The following TMEM72 variants were observed in gnomAD, a reference collection of about 807,000 sequenced individuals.
TMEM72 encodes kidney-specific secretory protein of 37 kDa.
A neutral mutation model predicts 16.3 loss-of-function variants in TMEM72; 9 were observed. The ratio of observed to expected loss-of-function variants is 0.55; its 90% CI spans 0.33 to 0.96. The LOEUF (loss-of-function observed/expected upper bound fraction) is 0.96. TMEM72 is among the 40% of genes least tolerant of loss of function. The pLI, the probability that TMEM72 is intolerant of heterozygous loss-of-function variation, is 0.03. For missense variants in TMEM72, 324 were observed against 337.8 expected, an observed-to-expected ratio of 0.96 and a Z score of 0.32; for synonymous variants, 160 against 146.5, an observed-to-expected ratio of 1.09 and a Z score of -0.66.
chr10:44,911,586 A>G lies in TMEM72; in HGVS notation c.70+4A>G. 1 of 1,550,182 alleles carries G rather than the reference A, an allele frequency of 6.5e-7. No individual in the cohort carries two copies. Among genetic ancestry groups the G allele is most frequent in the Non-Finnish European group, 8.7e-7 (1 of 1,147,164 alleles). ...CTGGGCATCACCACTGCTGCAGGTA[A>G]GACCCTGCCTCCTGGCTGCTGATCC... On this transcript the variant is annotated splice_donor_region_variant and intron_variant, in intron 1 of 4. Transcript: ENST00000389583.
At chr10:44,929,593 C>T (rs1840261569) in intron 2 of TMEM72, among the ~76,000 whole-genome samples, 4 of 152,360 alleles carry the variant, frequency 2.6e-5, no homozygotes, top group Middle Eastern at 3.4e-3. Flanking sequence ...CTCCCAGATG[C>T]GGTTCAGCCT....
chr10:44,913,683 G>C (rs1053579266), intron 1 of TMEM72, among the ~76,000 whole-genome samples: 1 of 152,220 alleles, frequency 6.6e-6, no homozygotes, highest in Non-Finnish European at 1.5e-5. Flanking sequence ...TGGGAGGCTA[G>C]AGAGAGGGGT....
intron 3 of TMEM72, 75 bp from the exon 4 acceptor site, chr10:44,933,562 C>T: frequency 1.3e-6 from 2 of 1,550,726 alleles, no homozygotes; most frequent in Non-Finnish European, 8.8e-7. Context: ...AGGGCCTGGC[C>T]CAGACTCCAT....
At chr10:44,923,617 G>T (rs191054516) in intron 1 of TMEM72, among the ~76,000 whole-genome samples, 62 of 152,330 alleles carry the variant, frequency 4.1e-4, no homozygotes, top group African/African-American at 1.4e-3. Context: ...AAGACGTATG[G>T]AGAGGGCCTA....
chr10:44,936,905 G>C lies in TMEM72; in HGVS notation c.*1771G>C, dbSNP rs903842740. On this transcript the variant is annotated 3_prime_UTR_variant, in exon 5 of 5. Coordinates refer to ENST00000389583, the MANE Select transcript of TMEM72 (RefSeq NM_001123376.3). ...TCTGCATCAGAGTAGTTCTGTCCTC[G>C]AAGCCCCAGTCAGCAGAGCTGGATG... 1 of 152,230 alleles carries C rather than the reference G, an allele frequency of 6.6e-6. No individual in the cohort carries two copies. The highest frequency in any genetic ancestry group is 2.4e-5 in the African/African-American group (1 of 41,450). 9.4% of individuals were successfully genotyped at this position (152,230 alleles called of 1,614,324 possible). A position where few individuals can be genotyped will look rare whatever the true frequency, so the allele number is the denominator to read the frequency against.
At position 44,913,242 on chromosome 10, in the gene TMEM72, C is replaced by T. The variant is rs149428332; in HGVS notation, c.70+1660C>T. Among the ~76,000 whole-genome samples, 55 of 152,318 alleles carry T rather than the reference C, an allele frequency of 3.6e-4. 1 individual carries two copies. Among genetic ancestry groups the T allele is most frequent in the African/African-American group, 1.3e-3 (53 of 41,570 alleles). On this transcript the variant is annotated intron_variant, in intron 1 of 4. Transcript: ENST00000389583. ...TTGATCTGAGTCCACCCTGCTCCCT[C>T]TAGGCTTTGGTTTCCAAATCTGTAA...
chr10:44,936,599 A>G lies in TMEM72; in HGVS notation c.*1465A>G, dbSNP rs1049013017. Reference sequence around the variant, plus strand: ...ACTCCTGCAAGCCCTTGATGGTGAGAGCTGCAGAGCTGTTTCTTCAGCTGC... The same window carrying G: ...ACTCCTGCAAGCCCTTGATGGTGAGGGCTGCAGAGCTGTTTCTTCAGCTGC... On this transcript the variant is annotated 3_prime_UTR_variant, in exon 5 of 5. Coordinates refer to ENST00000389583, the MANE Select transcript of TMEM72 (RefSeq NM_001123376.3). 1 of 152,196 alleles carries G rather than the reference A, an allele frequency of 6.6e-6. No individual in the cohort carries two copies. Among genetic ancestry groups the G allele is most frequent in the Non-Finnish European group, 1.5e-5 (1 of 68,038 alleles). 9.4% of individuals were successfully genotyped at this position (152,196 alleles called of 1,614,324 possible).
Position 44,934,831 on chromosome 10 carries a change from C to G in TMEM72, c.525C>G (p.Leu175=), listed in dbSNP as rs1840369964. 9.9e-6 allele frequency: 16 copies of G among 1,613,594 alleles called. No homozygotes were observed. The highest frequency in any genetic ancestry group is 1.4e-5 in the Non-Finnish European group (16 of 1,179,992). ...TEQTYTFHGA[L]KEGPSSLFIH... ...AAACCTACACTTTCCATGGGGCCCT[C>G]AAGGAGGGGCCCAGCTCCCTTTTCA... Residue 175 remains leucine, a synonymous_variant, in exon 5 of 5, where the codon CTC becomes CTG. Coordinates refer to ENST00000389583, the MANE Select transcript of TMEM72 (RefSeq NM_001123376.3).
chr10:44,935,115 C>T lies in TMEM72; in HGVS notation c.809C>T (p.Thr270Ile), dbSNP rs1840378357. The change falls in exon 5 of 5, where the codon ACA (threonine) becomes ATA (isoleucine). Residue 270 changes from threonine to isoleucine, a missense_variant. Thr to Ile is a moderately conservative substitution (Grantham distance 89, BLOSUM62 -1). Coordinates refer to ENST00000389583, the MANE Select transcript of TMEM72 (RefSeq NM_001123376.3). ...GCCCCACTCTTCCTGTCATCTCTTA[C>T]AGCCACCGGCCTGTTCTGAGCGCTT... is the stretch of plus-strand genomic sequence containing the variant. ...PQAPLFLSSL[T>I]ATGLF 1 of 1,600,834 alleles carries T rather than the reference C, an allele frequency of 6.2e-7. No individual in the cohort carries two copies. Among genetic ancestry groups the T allele is most frequent in the Non-Finnish European group, 8.5e-7 (1 of 1,173,468 alleles).
In TMEM72 at chr10:44,932,041, G is replaced by A. The variant is rs557492250; in HGVS notation, c.181G>A (p.Val61Met). The change falls in exon 3 of 5, where the codon GTG becomes ATG. Residue 61 changes from valine (V) to methionine (M), a missense_variant. Coordinates refer to ENST00000389583, the MANE Select transcript of TMEM72 (RefSeq NM_001123376.3). ...CTCCATATGTGAAGGGGCCTACTTT[G>A]TGGCTCAGCTGCTGGCCATCTGCTT... ...AVSICEGAYF[V>M]AQLLAICFQC... The A allele has an allele frequency of 1.7e-4, 275 of 1,613,470 alleles. 6 individuals carry two copies. The South Asian group carries it at 2.7e-3, about 16-fold the overall frequency.
intron 1 of TMEM72, among the ~76,000 whole-genome samples, chr10:44,913,454 A>ACG (rs781215447): frequency 5.8e-5 from 8 of 137,088 alleles, no homozygotes; most frequent in African/African-American, 2.6e-4. Context: ...ATGTGCACGC[A>ACG]CACACACACA....
rs1840401310 is a variant in TMEM72 at position 44,936,368 on chromosome 10, A to G, written c.*1234A>G. On this transcript the variant is annotated 3_prime_UTR_variant, in exon 5 of 5. Coordinates refer to ENST00000389583, the MANE Select transcript of TMEM72 (RefSeq NM_001123376.3). ...GAACAAGCCTTAGAGTGCATGCTCT[A>G]TGGTCTAATGAGAAACTTGTGTTTG... is the stretch of plus-strand genomic sequence containing the variant. 1 of 152,204 alleles carries G rather than the reference A, an allele frequency of 6.6e-6. No homozygotes were observed. Among genetic ancestry groups the G allele is most frequent in the African/African-American group, 2.4e-5 (1 of 41,448 alleles). 9.4% of individuals were successfully genotyped at this position (152,204 alleles called of 1,614,324 possible).
intron 3 of TMEM72, among the ~76,000 whole-genome samples, chr10:44,932,496 T>C (rs981986860): frequency 4.6e-5 from 7 of 152,020 alleles, no homozygotes; most frequent in Non-Finnish European, 7.4e-5. Flanking sequence ...TCAGGGGCAG[T>C]ATGTCTCTAC....
chr10:44,916,595 C>A (rs1280651653), intron 1 of TMEM72, among the ~76,000 whole-genome samples: 1 of 152,130 alleles, frequency 6.6e-6, no homozygotes, highest in Non-Finnish European at 1.5e-5. Flanking sequence ...ATGACCACCT[C>A]CTGCTGTTTA....
At chr10:44,925,669 C>A (rs756185165) in intron 1 of TMEM72, among the ~76,000 whole-genome samples, 1 of 152,206 alleles carries the variant, frequency 6.6e-6, no homozygotes, top group Non-Finnish European at 1.5e-5. Context: ...AAGACTGAAA[C>A]TCAGGATCTG....
At chr10:44,917,720 C>G (rs543466168) in intron 1 of TMEM72, among the ~76,000 whole-genome samples, 1 of 151,976 alleles carries the variant, frequency 6.6e-6, no homozygotes, top group African/African-American at 2.4e-5. Flanking sequence ...AGGTAAGGGT[C>G]AGATGAAGAA....
At chr10:44,912,548 G>T (rs1349198156) in intron 1 of TMEM72, among the ~76,000 whole-genome samples, 1 of 152,216 alleles carries the variant, frequency 6.6e-6, no homozygotes, top group Non-Finnish European at 1.5e-5. Context: ...CATAGTGCTT[G>T]TTCCTGCCCC....
chr10:44,919,435 C>A (rs987790890), intron 1 of TMEM72, among the ~76,000 whole-genome samples: 1 of 152,168 alleles, frequency 6.6e-6, no homozygotes, highest in African/African-American at 2.4e-5. Context: ...GAGGGAATGG[C>A]AACATTGCAG....
intron 3 of TMEM72, 109 bp downstream of exon 3, chr10:44,932,178 T>A (rs571354583): frequency 2.3e-6 from 3 of 1,316,766 alleles, no homozygotes; most frequent in African/African-American, 2.9e-5. Flanking sequence ...CTGAAGCCAC[T>A]GTGGACAGGA....
Sources: allele counts gnomAD v4.1 joint callset (sites outside exome capture counted in the v4.1 genomes callset), GRCh38; gene constraint gnomAD v4.1.1; transcripts MANE v1.5; gene names NCBI Gene and HGNC (gene_info 2026-07-23, HGNC 2026-07-21).